Variants in ADAM18 observed in about 807,000 individuals in gnomAD.
ADAM18 encodes ADAM metallopeptidase domain 18, also known as disintegrin and metalloproteinase domain-containing protein 18.
In ADAM18, 117 loss-of-function variants were observed where a neutral mutation model predicts 94.4. The ratio of observed to expected loss-of-function variants is 1.24; its 90% confidence interval spans 1.07 to 1.45. ADAM18 has a LOEUF of 1.45. Ranked by LOEUF, ADAM18 falls within the 40% of genes most tolerant of loss-of-function variation. ADAM18 has a pLI of 0.00. For missense variants in ADAM18, 936 were observed against 880.0 expected, an observed-to-expected ratio of 1.06 and a Z score of -0.81; for synonymous variants, 327 against 291.6, an observed-to-expected ratio of 1.12 and a Z score of -1.24.
chr8:39,707,972 G>GT (rs1482502540), intron 18 of ADAM18, among the ~76,000 whole-genome samples: 3 of 152,084 alleles, frequency 2.0e-5, no homozygotes, highest in Non-Finnish European at 2.9e-5. Flanking sequence ...CTGTAACGGC[G>GT]TAACAGTCAA....
Position 39,637,261 on chromosome 8 carries a change from C to A in ADAM18, c.589-3C>A. Reference sequence around the variant, plus strand: ...TTCATGAAAAATAAAATTTCTTTTTCAGTATGATTATATGGGATCTGAAAT... The same window carrying A: ...TTCATGAAAAATAAAATTTCTTTTTAAGTATGATTATATGGGATCTGAAAT... On this transcript the variant is annotated splice_region_variant and splice_polypyrimidine_tract_variant and intron_variant, in intron 7 of 19. Transcript: ENST00000265707. 1 of 1,574,404 alleles carries A rather than the reference C, an allele frequency of 6.4e-7. No individual in the cohort carries two copies. Among genetic ancestry groups the A allele is most frequent in the Non-Finnish European group, 8.6e-7 (1 of 1,160,056 alleles).
At chr8:39,608,998 T>G (rs1299811819) in intron 3 of ADAM18, 44 bp from the exon 4 acceptor site, 1 of 1,118,676 alleles carries the variant, frequency 8.9e-7, no homozygotes, top group African/African-American at 1.6e-5. Flanking sequence ...AACATTATAT[T>G]AAGATTATGA....
intron 2 of ADAM18, among the ~76,000 whole-genome samples, chr8:39,593,626 C>G (rs973352082): frequency 6.6e-6 from 1 of 152,064 alleles, no homozygotes; most frequent in Non-Finnish European, 1.5e-5. Context: ...CACAAGTTCA[C>G]CAAAAGGATA....
At chr8:39,624,080 A>G (rs1235131361) in intron 6 of ADAM18, among the ~76,000 whole-genome samples, 1 of 152,108 alleles carries the variant, frequency 6.6e-6, no homozygotes, top group Non-Finnish European at 1.5e-5. Context: ...ATGGTTTACA[A>G]ATATTTTCTC....
chr8:39,649,146 A>C (rs1430569173), intron 12 of ADAM18, among the ~76,000 whole-genome samples: 3 of 152,062 alleles, frequency 2.0e-5, no homozygotes, highest in African/African-American at 7.2e-5. Flanking sequence ...ATTTCAATAA[A>C]GTTTCTTCAT....
At chr8:39,695,571 TA>T (rs1245496988) in intron 17 of ADAM18, among the ~76,000 whole-genome samples, 1 of 151,246 alleles carries the variant, frequency 6.6e-6, no homozygotes, top group Admixed American at 6.6e-5. Flanking sequence ...CCTGTTTTTT[TA>T]AAAATATATC....
rs761748408 is a variant in ADAM18 at position 39,729,941 on chromosome 8, T to C, written c.*1T>C. ...AGAAAGCGATGACGTGGGACATTAA[T>C]ATTGCACAGAACTTCCATAGCAAAT... is the stretch of plus-strand genomic sequence containing the variant. On this transcript the variant is annotated 3_prime_UTR_variant, in exon 20 of 20. Transcript: ENST00000265707. The C allele has an allele frequency of 6.2e-6, 10 of 1,612,548 alleles. No individual in the cohort carries two copies. Among genetic ancestry groups the C allele is most frequent in the Non-Finnish European group, 8.5e-6 (10 of 1,178,546 alleles).
intron 18 of ADAM18, among the ~76,000 whole-genome samples, chr8:39,708,541 G>A (rs1175558022): frequency 6.6e-6 from 1 of 152,196 alleles, no homozygotes; most frequent in Non-Finnish European, 1.5e-5. Flanking sequence ...CACATTTTGA[G>A]TGATGGCATA....
At chr8:39,597,010 T>G (rs1286474469) in intron 2 of ADAM18, among the ~76,000 whole-genome samples, 1 of 152,182 alleles carries the variant, frequency 6.6e-6, no homozygotes, top group Non-Finnish European at 1.5e-5. Flanking sequence ...TCCTTATGGA[T>G]GCACAGCCTC....
At chr8:39,661,601 C>G (rs1403113153) in intron 12 of ADAM18, among the ~76,000 whole-genome samples, 3 of 151,886 alleles carry the variant, frequency 2.0e-5, no homozygotes, top group African/African-American at 7.3e-5. Context: ...TATTGATTAT[C>G]AAGACCTCCA....
At chr8:39,621,840 C>G (rs1819624197) in intron 6 of ADAM18, among the ~76,000 whole-genome samples, 2 of 152,152 alleles carry the variant, frequency 1.3e-5, no homozygotes, top group Admixed American at 6.5e-5. Flanking sequence ...AAACCAAACA[C>G]TGAATGTTCT....
chr8:39,652,228 C>G (rs909454535), intron 12 of ADAM18, among the ~76,000 whole-genome samples: 1 of 151,822 alleles, frequency 6.6e-6, no homozygotes, highest in African/African-American at 2.4e-5. Flanking sequence ...AGCTTCTACA[C>G]AACAAAGGAA....
intron 6 of ADAM18, among the ~76,000 whole-genome samples, chr8:39,619,337 A>G (rs1335067289): frequency 2.0e-5 from 3 of 152,212 alleles, no homozygotes; most frequent in South Asian, 4.1e-4. Flanking sequence ...CATTTACAGG[A>G]GATCTGATCC....
chr8:39,620,015 T>C (rs538278502), intron 6 of ADAM18, among the ~76,000 whole-genome samples: 1 of 152,146 alleles, frequency 6.6e-6, no homozygotes, highest in East Asian at 1.9e-4. Context: ...AACAGACACA[T>C]AGACCAATGA....
chr8:39,715,971 A>T (rs1822561669), intron 18 of ADAM18, among the ~76,000 whole-genome samples: 1 of 151,958 alleles, frequency 6.6e-6, no homozygotes, highest in Non-Finnish European at 1.5e-5. Context: ...CAGTAGCAAA[A>T]CCAGAAGACT....
chr8:39,669,967 C>A (rs1283617585), intron 14 of ADAM18, among the ~76,000 whole-genome samples: 2 of 152,194 alleles, frequency 1.3e-5, no homozygotes, highest in African/African-American at 4.8e-5. Flanking sequence ...CACATCCTCT[C>A]CAGCACCTGT....
rs200250840 is a variant in ADAM18, at chr8:39,637,263, G to A, written c.589-1G>A. The A allele has an allele frequency of 3.5e-4, 547 of 1,578,694 alleles. 2 individuals are homozygous for A. The Middle Eastern group carries it at 6.1e-3, about 18-fold the overall frequency. On this transcript the variant is annotated splice_acceptor_variant, in intron 7 of 19. Coordinates refer to ENST00000265707, the MANE Select transcript of ADAM18 (RefSeq NM_014237.3). LOFTEE classifies it high-confidence loss of function. ...CATGAAAAATAAAATTTCTTTTTCA[G>A]TATGATTATATGGGATCTGAAATGA...
intron 12 of ADAM18, among the ~76,000 whole-genome samples, chr8:39,650,255 T>A (rs748901172): frequency 6.6e-6 from 1 of 152,284 alleles, no homozygotes; most frequent in Non-Finnish European, 1.5e-5. Flanking sequence ...GTAGGCTTTT[T>A]GTAAAATAAA....
At position 39,642,762 on chromosome 8, in the gene ADAM18, G is replaced by A. The variant is rs150401781; in HGVS notation, c.910-2576G>A. 1.5e-3 allele frequency among the ~76,000 whole-genome samples: 230 copies of A among 151,898 alleles called. 3 individuals carry two copies. The highest frequency in any genetic ancestry group is 5.3e-3 in the African/African-American group (220 of 41,494). ...TTTTTTGCTTACAATTGCCTTTCTA[G>A]TCAGTCTCTTTTGTGGTTCCATATG... On this transcript the variant is annotated intron_variant, in intron 10 of 19. Transcript: ENST00000265707.
Sources: gnomAD v4.1 joint callset for allele counts (sites outside exome capture counted in the v4.1 genomes callset) on GRCh38, gnomAD v4.1.1 for gene constraint, MANE v1.5 for transcripts, NCBI Gene and HGNC (gene_info 2026-07-23, HGNC 2026-07-21) for gene names.